PTPRT: variants seen among roughly 807,000 people sequenced by gnomAD.
PTPRT encodes protein tyrosine phosphatase receptor type T.
PTPRT carries 56 observed loss-of-function variants against 176.8 expected under a neutral mutation model. The ratio of observed to expected loss-of-function variants is 0.32; its 90% CI spans 0.26 to 0.40. PTPRT has a LOEUF of 0.40. PTPRT is among the 10% of genes least tolerant of loss of function. The pLI is 1.00. For missense variants in PTPRT, 1,540 were observed against 1,908.2 expected (o/e 0.81, Z 3.60); for synonymous variants, 783 against 739.0 (o/e 1.06, Z -0.96).
chr20:42,451,034 G>A (rs940818842), intron 8 of PTPRT, among the ~76,000 whole-genome samples: 2 of 152,154 alleles, frequency 1.3e-5, no homozygotes, highest in Non-Finnish European at 1.5e-5. Flanking sequence ...TGGGGAGGAG[G>A]TGCTGTAGTG....
At chr20:43,053,799 T>G (rs1987136599) in intron 1 of PTPRT, among the ~76,000 whole-genome samples, 1 of 152,084 alleles carries the variant, frequency 6.6e-6, no homozygotes, top group Non-Finnish European at 1.5e-5. Flanking sequence ...TATAACCCCA[T>G]GAACTAGCAC....
chr20:42,765,086 C>T (rs1288132623), intron 5 of PTPRT, among the ~76,000 whole-genome samples: 2 of 152,222 alleles, frequency 1.3e-5, no homozygotes, highest in Non-Finnish European at 2.9e-5. Context: ...AGATCTGCTC[C>T]CAGTCCAGTG....
chr20:42,246,922 T>C (rs1422740421), intron 14 of PTPRT, among the ~76,000 whole-genome samples: 3 of 152,208 alleles, frequency 2.0e-5, no homozygotes, highest in South Asian at 2.1e-4. Flanking sequence ...TGATCTTACA[T>C]GTACAATGTG....
chr20:42,670,436 T>G (rs1420873248), intron 7 of PTPRT, among the ~76,000 whole-genome samples: 3 of 152,194 alleles, frequency 2.0e-5, no homozygotes, highest in Non-Finnish European at 4.4e-5. Context: ...GCCTCTATCC[T>G]TTTCATTCAA....
At chr20:43,162,251 A>C (rs1266810078) in intron 1 of PTPRT, among the ~76,000 whole-genome samples, 1 of 152,266 alleles carries the variant, frequency 6.6e-6, no homozygotes, top group East Asian at 1.9e-4. Context: ...AAATAACAGC[A>C]ATGGCAGTAA....
intron 1 of PTPRT, among the ~76,000 whole-genome samples, chr20:43,026,037 G>GC (rs756433150): frequency 2.0e-5 from 3 of 151,980 alleles, no homozygotes; most frequent in South Asian, 2.1e-4. Context: ...ATGAATTGTG[G>GC]CCCCCCCTCC....
intron 8 of PTPRT, among the ~76,000 whole-genome samples, chr20:42,461,134 C>T (rs2071011568): frequency 1.3e-5 from 2 of 152,176 alleles, no homozygotes; most frequent in Non-Finnish European, 2.9e-5. Flanking sequence ...TCGATACCAG[C>T]CTGACCAACA....
At chr20:42,662,015 G>C (rs568413319) in intron 7 of PTPRT, among the ~76,000 whole-genome samples, 3 of 152,286 alleles carry the variant, frequency 2.0e-5, no homozygotes, top group African/African-American at 7.2e-5. Context: ...AGTGAGCTTT[G>C]TGAACACAGC....
At chr20:42,239,412 T>TC in intron 14 of PTPRT, among the ~76,000 whole-genome samples, 1 of 139,718 alleles carries the variant, frequency 7.2e-6, no homozygotes, top group Non-Finnish European at 1.5e-5. Flanking sequence ...TCATTTTCTT[T>TC]CTTTTTTTTT....
chr20:42,849,961 T>C lies in PTPRT; in HGVS notation c.214+35846A>G, dbSNP rs377419143. 8.5e-5 allele frequency among the ~76,000 whole-genome samples: 13 copies of C among 152,264 alleles called. No homozygotes were observed. The South Asian group carries it at 1.2e-3, about 15-fold the overall frequency. On this transcript the variant is annotated intron_variant, in intron 2 of 30. Transcript: ENST00000373187. ...TGTCCCATTTCCTTCTGGGTCCAGG[T>C]TTCATCACCTATTAAATGGAAGGAC...
rs1243722457 is a variant in PTPRT, at chr20:42,080,161, T to A, written c.*718A>T. 1.7e-5 allele frequency: 4 copies of A among 232,608 alleles called. No individual in the cohort carries two copies. Among genetic ancestry groups the A allele is most frequent in the Non-Finnish European group, 2.5e-5 (3 of 117,698 alleles). 14.4% of individuals were successfully genotyped at this position (232,608 alleles called of 1,614,324 possible). A position where few individuals can be genotyped will look rare whatever the true frequency, so the allele number is the denominator to read the frequency against. ...AGAAGTTCCCTGCAGTTCCACCCCC[T>A]CCCACTGACCACACAAAAAAGCAAA... On this transcript the variant is annotated 3_prime_UTR_variant, in exon 31 of 31. Transcript: ENST00000373187.
At chr20:43,034,980 G>A (rs1986316717) in intron 1 of PTPRT, among the ~76,000 whole-genome samples, 2 of 149,898 alleles carry the variant, frequency 1.3e-5, no homozygotes, top group African/African-American at 4.9e-5. Context: ...TAACAATGCT[G>A]GGATTAGGGG....
At chr20:42,337,881 C>G (rs567288132) in intron 11 of PTPRT, among the ~76,000 whole-genome samples, 1 of 152,294 alleles carries the variant, frequency 6.6e-6, no homozygotes, top group East Asian at 1.9e-4. Flanking sequence ...TGCCTTGGTC[C>G]TGATGCCTAC....
intron 17 of PTPRT, among the ~76,000 whole-genome samples, chr20:42,157,872 C>T (rs779729006): frequency 3.3e-5 from 5 of 152,198 alleles, no homozygotes; most frequent in Non-Finnish European, 5.9e-5. Flanking sequence ...GGAAATCGTC[C>T]ACCTATCCCA....
At chr20:42,108,258 T>C (rs1986663658) in intron 23 of PTPRT, among the ~76,000 whole-genome samples, 1 of 127,306 alleles carries the variant, frequency 7.9e-6, no homozygotes, top group Admixed American at 7.9e-5. Context: ...GTTTATTTCA[T>C]TTCAGCATCA....
At chr20:42,582,189 G>A (rs1037426633) in intron 7 of PTPRT, among the ~76,000 whole-genome samples, 1 of 152,202 alleles carries the variant, frequency 6.6e-6, no homozygotes, top group African/African-American at 2.4e-5. Flanking sequence ...GAGGAGGGAA[G>A]CACCTGTCTT....
chr20:42,563,211 T>A (rs1267660142), intron 7 of PTPRT, among the ~76,000 whole-genome samples: 4 of 152,110 alleles, frequency 2.6e-5, no homozygotes, highest in African/African-American at 9.7e-5. Flanking sequence ...ATAAGAGATG[T>A]GTAAAGCTCC....
chr20:42,571,653 G>A (rs1366547421), intron 7 of PTPRT, among the ~76,000 whole-genome samples: 1 of 152,174 alleles, frequency 6.6e-6, no homozygotes, highest in Non-Finnish European at 1.5e-5. Flanking sequence ...CTGGATCAGA[G>A]GATGTGACTG....
chr20:42,726,791 G>A (rs1364494483), intron 6 of PTPRT, among the ~76,000 whole-genome samples: 6 of 152,266 alleles, frequency 3.9e-5, no homozygotes, highest in Non-Finnish European at 5.9e-5. Flanking sequence ...TGCAGCTCAC[G>A]TTCAGTCCCT....
Sources: allele counts gnomAD v4.1 joint callset (sites outside exome capture counted in the v4.1 genomes callset), GRCh38; gene constraint gnomAD v4.1.1; transcripts MANE v1.5; gene names NCBI Gene and HGNC (gene_info 2026-07-23, HGNC 2026-07-21).